COL14A1: variants seen among roughly 807,000 people sequenced by gnomAD.
The protein encoded by COL14A1 is collagen type XIV alpha 1 chain, also known as collagen alpha-1(XIV) chain.
COL14A1 carries 136 observed loss-of-function variants against 230.3 expected under a neutral mutation model. That is an observed-to-expected ratio of 0.59 (90% confidence interval 0.51 to 0.68). The LOEUF (loss-of-function observed/expected upper bound fraction) is 0.68, where lower values mean the gene tolerates loss of function less well. COL14A1 is among the 30% of genes least tolerant of loss of function. The pLI, the probability that COL14A1 is intolerant of heterozygous loss-of-function variation, is 0.00. For synonymous variants in COL14A1, 792 were observed against 784.1 expected, an observed-to-expected ratio of 1.01 and a Z score of -0.17; for missense variants, 1,976 against 2,215.8, an observed-to-expected ratio of 0.89 and a Z score of 2.17.
intron 5 of COL14A1, among the ~76,000 whole-genome samples, chr8:120,191,998 C>A (rs1816843448): frequency 1.3e-5 from 2 of 151,304 alleles, no homozygotes; most frequent in African/African-American, 4.9e-5. Context: ...ACTCTTTATC[C>A]AATTTGCCAG....
intron 12 of COL14A1, among the ~76,000 whole-genome samples, chr8:120,212,205 T>G (rs1817632918): frequency 6.6e-6 from 1 of 152,232 alleles, no homozygotes; most frequent in Admixed American, 6.5e-5. Context: ...TTTGTCCAGA[T>G]GTAAAGAGTT....
At chr8:120,280,297 A>G (rs1266181134) in intron 29 of COL14A1, among the ~76,000 whole-genome samples, 198 bp downstream of exon 29, 2 of 152,190 alleles carry the variant, frequency 1.3e-5, no homozygotes, top group African/African-American at 2.4e-5. Flanking sequence ...TAGAATGATA[A>G]AAACCTTCCC....
intron 1 of COL14A1, among the ~76,000 whole-genome samples, chr8:120,146,063 C>A (rs1259452780): frequency 6.6e-6 from 1 of 152,154 alleles, no homozygotes; most frequent in African/African-American, 2.4e-5. Context: ...AAAATCCTGG[C>A]TCCTGAACTC....
chr8:120,315,922 T>A (rs1264221846), intron 39 of COL14A1, 22 bp from the exon 40 acceptor site: 1 of 1,612,826 alleles, frequency 6.2e-7, no homozygotes, highest in Admixed American at 1.7e-5. Context: ...ACCTGACTCT[T>A]TTTTGTCCCT....
chr8:120,260,541 G>A (rs752499911), intron 23 of COL14A1, among the ~76,000 whole-genome samples: 3 of 152,142 alleles, frequency 2.0e-5, no homozygotes, highest in Non-Finnish European at 4.4e-5. Context: ...AATCAATGCA[G>A]TTTTTAAACA....
rs749156062 is a variant in COL14A1, at chr8:120,203,838, C to G, written c.1007C>G (p.Ser336Cys). 17 of 1,613,664 alleles carry G rather than the reference C, an allele frequency of 1.1e-5. No homozygotes were observed. Among genetic ancestry groups the G allele is most frequent in the Non-Finnish European group, 1.4e-5 (16 of 1,179,876 alleles). ...GAGAGTCTGACCAGGACTCTCTGCT[C>G]TAGAGTGGAAGAACAGGACAGAGAA... ...VVESLTRTLC[S>C]RVEEQDREIK... is the part of the protein sequence containing the mutation. Residue 336 changes from serine to cysteine, a missense_variant, in exon 9 of 48, where the codon TCT (serine) becomes TGT (cysteine). Physicochemically the swap from Ser to Cys is moderately radical, Grantham distance 112 (BLOSUM62 -1). Coordinates refer to ENST00000297848, the MANE Select transcript of COL14A1 (RefSeq NM_021110.4).
chr8:120,253,634 T>C (rs1819046209), intron 22 of COL14A1, among the ~76,000 whole-genome samples: 1 of 152,168 alleles, frequency 6.6e-6, no homozygotes, highest in Non-Finnish European at 1.5e-5. Flanking sequence ...AAAAGTTATA[T>C]AAATCAGGGC....
chr8:120,300,905 C>A, intron 36 of COL14A1, 87 bp downstream of exon 36: 1 of 1,012,160 alleles, frequency 9.9e-7, no homozygotes, highest in Non-Finnish European at 1.5e-6. Context: ...GTCTACTGTA[C>A]TAAATGGCTA....
intron 5 of COL14A1, among the ~76,000 whole-genome samples, chr8:120,193,405 A>G (rs1392517376): frequency 1.3e-5 from 2 of 152,094 alleles, no homozygotes; most frequent in East Asian, 3.9e-4. Context: ...GTTCCTCTGG[A>G]AGTTTTGTCT....
chr8:120,146,851 C>T (rs969401429), intron 1 of COL14A1, among the ~76,000 whole-genome samples: 4 of 151,646 alleles, frequency 2.6e-5, no homozygotes, highest in African/African-American at 4.8e-5. Flanking sequence ...AAAAATATGC[C>T]CTGGGTAGAA....
intron 19 of COL14A1, among the ~76,000 whole-genome samples, chr8:120,237,804 G>A (rs35688244): frequency 0.04 from 6,146 of 152,124 alleles, 181 homozygotes; most frequent in Non-Finnish European, 0.058. Context: ...TTGAGTGGTC[G>A]TCCTTTTTGT....
In COL14A1 at chr8:120,227,086, T is replaced by C; in HGVS notation, c.2005-134T>C. On this transcript the variant is annotated intron_variant, in intron 16 of 47. Transcript: ENST00000297848. ...GATTGAAAGGAATAAAGTCTCTGGC[T>C]TGACCTTAAAATGGACTTCGACAGC... is the stretch of plus-strand genomic sequence containing the variant. The C allele has an allele frequency of 6.3e-6, 6 of 952,798 alleles. No homozygotes were observed. In the South Asian group the frequency reaches 1.1e-4, roughly 18 times the overall value. 59.0% of individuals were successfully genotyped at this position (952,798 alleles called of 1,614,324 possible).
Position 120,300,743 on chromosome 8 carries a change from G to C in COL14A1, c.4326G>C (p.Glu1442Asp). Reference sequence around the variant, plus strand: ...TTGTTTCTTTTCAGAGAGATGATGAGTCTTGCCCAGACCTTCCCCATTCCT... The same window carrying C: ...TTGTTTCTTTTCAGAGAGATGATGACTCTTGCCCAGACCTTCCCCATTCCT... Reference protein sequence around the residue: ...CCELPGLRDDESCPDLPHSCS... With the variant: ...CCELPGLRDDDSCPDLPHSCS... Residue 1442 changes from glutamate to aspartate, a missense_variant, in exon 36 of 48, where the codon GAG (glutamate) becomes GAC (aspartate). By Grantham distance (45) the Glu-to-Asp change is conservative (BLOSUM62 2). Around this residue, in one of 3 missense-constraint regions of COL14A1, gnomAD observed 1,791 missense variants for 2,019.5 expected, o/e 0.89. Coordinates refer to ENST00000297848, the MANE Select transcript of COL14A1 (RefSeq NM_021110.4). The C allele has an allele frequency of 6.2e-7, 1 of 1,613,390 alleles. No homozygotes were observed. The highest frequency in any genetic ancestry group is 1.1e-5 in the South Asian group (1 of 91,044).
intron 13 of COL14A1, among the ~76,000 whole-genome samples, chr8:120,215,388 A>AAAGGAAGG (rs369319185): frequency 9.2e-5 from 14 of 151,612 alleles, no homozygotes; most frequent in Non-Finnish European, 1.8e-4. Context: ...GAAAGAAAAG[A>AAAGGAAGG]AAGGAAGGAA....
intron 45 of COL14A1, among the ~76,000 whole-genome samples, chr8:120,351,045 C>A (rs1397659847): frequency 6.8e-6 from 1 of 147,954 alleles, no homozygotes; most frequent in Non-Finnish European, 1.5e-5. Context: ...ATCTCTCAGA[C>A]CACAGTGCAA....
intron 28 of COL14A1, among the ~76,000 whole-genome samples, chr8:120,279,069 A>G (rs761080184): frequency 1.4e-5 from 2 of 142,072 alleles, no homozygotes; most frequent in Admixed American, 7.5e-5. Flanking sequence ...TAAACACCAC[A>G]TGTTCTCACT....
At chr8:120,357,646 T>C (rs1017604990) in intron 45 of COL14A1, among the ~76,000 whole-genome samples, 1 of 152,150 alleles carries the variant, frequency 6.6e-6, no homozygotes, top group Admixed American at 6.6e-5. Context: ...TCCTTCTGGC[T>C]GTGCATTGCG....
chr8:120,140,095 A>C (rs531060269), intron 1 of COL14A1, among the ~76,000 whole-genome samples: 1 of 152,330 alleles, frequency 6.6e-6, no homozygotes, highest in African/African-American at 2.4e-5. Flanking sequence ...ATATTATCTC[A>C]CACATTTCAT....
intron 44 of COL14A1, among the ~76,000 whole-genome samples, chr8:120,345,074 A>G (rs1337295717): frequency 6.6e-6 from 1 of 152,118 alleles, no homozygotes; most frequent in African/African-American, 2.4e-5. Flanking sequence ...GGTCAGATAA[A>G]TGTTGAGGGT....
Sources: allele counts gnomAD v4.1 joint callset (sites outside exome capture counted in the v4.1 genomes callset), GRCh38; gene constraint gnomAD v4.1.1; regional missense constraint gnomAD v4.1.1; transcripts MANE v1.5; gene names NCBI Gene and HGNC (gene_info 2026-07-23, HGNC 2026-07-21).